The following CFAP54 variants were observed in gnomAD, a reference collection of about 807,000 sequenced individuals.
CFAP54 encodes the protein cilia and flagella associated protein 54, also known as cilia- and flagella-associated protein 54.
Under a neutral mutation model 370.4 loss-of-function variants are expected in CFAP54, and 290 were observed. The observed-to-expected ratio is 0.78, with a 90% CI of 0.71 to 0.86. CFAP54 has a LOEUF of 0.86. CFAP54 is among the 40% of genes least tolerant of loss of function. CFAP54 has a pLI of 0.00. For synonymous variants in CFAP54, 1,206 were observed against 1,236.5 expected, an observed-to-expected ratio of 0.98 and a Z score of 0.52; for missense variants, 3,399 against 3,528.7, an observed-to-expected ratio of 0.96 and a Z score of 0.93.
At chr12:96,545,039 G>A (rs1955623057) in intron 14 of CFAP54, among the ~76,000 whole-genome samples, 1 of 151,996 alleles carries the variant, frequency 6.6e-6, no homozygotes, top group African/African-American at 2.4e-5. Context: ...AGCCTCCCGA[G>A]TAGCTGGGAT....
rs373930930 is a variant in CFAP54 at position 96,492,384 on chromosome 12, C to T, written c.317+2458C>T. 7.9e-5 allele frequency among the ~76,000 whole-genome samples: 12 copies of T among 152,304 alleles called. No individual in the cohort carries two copies. In the East Asian group the frequency reaches 1.9e-3, roughly 24 times the overall value. ...GAAACAGGTCCTACTGTTTCTCACC[C>T]CAGAGCCTTTATATTTGCCATCTTT... On this transcript the variant is annotated intron_variant, in intron 1 of 67. Transcript: ENST00000524981.
chr12:96,640,537 C>G (rs12816415), intron 32 of CFAP54, among the ~76,000 whole-genome samples: 24,843 of 152,052 alleles, frequency 0.16, 2,193 homozygotes, highest in African/African-American at 0.21. Flanking sequence ...TCCCCATCAA[C>G]CTACCAATGA....
At chr12:96,584,145 T>C (rs1031148568) in intron 22 of CFAP54, among the ~76,000 whole-genome samples, 1 of 150,640 alleles carries the variant, frequency 6.6e-6, no homozygotes, top group African/African-American at 2.5e-5. Flanking sequence ...GTTTGTCTTT[T>C]GTCTATTTTA....
intron 63 of CFAP54, among the ~76,000 whole-genome samples, chr12:96,796,328 TC>T (rs1452579752): frequency 6.6e-6 from 1 of 152,220 alleles, no homozygotes; most frequent in Non-Finnish European, 1.5e-5. Context: ...ACTATTCTTG[TC>T]AGATGTTTTT....
chr12:96,688,213 CTCT>C (rs1230979818), intron 42 of CFAP54, among the ~76,000 whole-genome samples: 3 of 152,166 alleles, frequency 2.0e-5, no homozygotes, highest in Non-Finnish European at 2.9e-5. Context: ...AACACTCAAA[CTCT>C]TCTTCTAAGG....
chr12:96,508,126 CTTTTTTTTT>C lies in CFAP54; in HGVS notation c.739+1038_739+1046del, dbSNP rs398020728. ...TTTAAGATCACAACCCAAACATAGT[CTTTTTTTTT>C]TTTTTTTTTTGTCTGAGACAGGGTC... On this transcript the variant is annotated intron_variant, in intron 4 of 67. Coordinates refer to ENST00000524981, the MANE Select transcript of CFAP54 (RefSeq NM_001306084.2). 3.6e-5 allele frequency among the ~76,000 whole-genome samples: 4 copies of C among 112,232 alleles called. No homozygotes were observed. The South Asian group carries it at 9.1e-4, about 26-fold the overall frequency. 73.6% of individuals were successfully genotyped at this position (112,232 alleles called of 152,430 possible).
rs187754912 is a variant in CFAP54 at position 96,577,664 on chromosome 12, T to C, written c.2796+903T>C. On this transcript the variant is annotated intron_variant, in intron 20 of 67. Coordinates refer to ENST00000524981, the MANE Select transcript of CFAP54 (RefSeq NM_001306084.2). Reference sequence around the variant, plus strand: ...AGTTTTTTTTTTCATTTGGAAAGTGTGTTTATTGTGAAAATTAAATGAGAT... The same window carrying C: ...AGTTTTTTTTTTCATTTGGAAAGTGCGTTTATTGTGAAAATTAAATGAGAT... 1.4e-4 allele frequency among the ~76,000 whole-genome samples: 21 copies of C among 151,912 alleles called. No homozygotes were observed. In the East Asian group the frequency reaches 3.7e-3, roughly 27 times the overall value.
intron 26 of CFAP54, among the ~76,000 whole-genome samples, chr12:96,619,928 G>A (rs539409892): frequency 2.1e-4 from 32 of 152,110 alleles, no homozygotes; most frequent in African/African-American, 7.2e-4. Context: ...TATTTTGGCC[G>A]GACATGGTGA....
chr12:96,599,693 C>A (rs944550609), intron 26 of CFAP54, among the ~76,000 whole-genome samples: 3 of 152,088 alleles, frequency 2.0e-5, no homozygotes, highest in Non-Finnish European at 4.4e-5. Context: ...TTTTAATGAT[C>A]GCCATTCTAA....
At chr12:96,734,739 A>G (rs1226196358) in intron 50 of CFAP54, among the ~76,000 whole-genome samples, 1 of 152,170 alleles carries the variant, frequency 6.6e-6, no homozygotes, top group Non-Finnish European at 1.5e-5. Flanking sequence ...ACAATTAAAT[A>G]ACAGAATCTC....
chr12:96,654,779 TGTAA>T (rs1956903477), intron 36 of CFAP54, among the ~76,000 whole-genome samples: 2 of 151,440 alleles, frequency 1.3e-5, no homozygotes, highest in Non-Finnish European at 2.9e-5. Flanking sequence ...AGCTGCCACA[TGTAA>T]GTGAGAGCAT....
At chr12:96,775,511 A>T (rs1958508523) in intron 60 of CFAP54, among the ~76,000 whole-genome samples, 1 of 152,112 alleles carries the variant, frequency 6.6e-6, no homozygotes, top group Non-Finnish European at 1.5e-5. Flanking sequence ...TATTCTTTTA[A>T]TTTTTTTCCA....
chr12:96,796,361 T>A (rs1269882346), intron 63 of CFAP54, among the ~76,000 whole-genome samples: 1 of 152,226 alleles, frequency 6.6e-6, no homozygotes, highest in Admixed American at 6.5e-5. Context: ...TTTGCTAGAA[T>A]CATAAAATGA....
intron 32 of CFAP54, among the ~76,000 whole-genome samples, chr12:96,635,596 C>T (rs1391807616): frequency 6.6e-6 from 1 of 152,106 alleles, no homozygotes; most frequent in Admixed American, 6.6e-5. Context: ...ATACAGTTAG[C>T]AGCACATCCC....
At chr12:96,764,618 C>T (rs2136671352) in intron 59 of CFAP54, among the ~76,000 whole-genome samples, 1 of 151,856 alleles carries the variant, frequency 6.6e-6, no homozygotes, top group Non-Finnish European at 1.5e-5. Context: ...GAGATCCTGT[C>T]TCAAAAGAAA....
chr12:96,635,855 T>C (rs1956658879), intron 32 of CFAP54, among the ~76,000 whole-genome samples: 1 of 152,198 alleles, frequency 6.6e-6, no homozygotes, highest in Non-Finnish European at 1.5e-5. Flanking sequence ...TCCAGACGGC[T>C]TCTGAGCACA....
intron 62 of CFAP54, among the ~76,000 whole-genome samples, chr12:96,789,871 T>A (rs916043202): frequency 1.2e-4 from 18 of 152,180 alleles, no homozygotes; most frequent in Admixed American, 1.2e-3. Flanking sequence ...AGACAGCTAA[T>A]GAGCATAAAG....
In CFAP54 at chr12:96,700,074, A is replaced by C; in HGVS notation, c.6455A>C (p.Lys2152Thr). 1 of 1,605,160 alleles carries C rather than the reference A, an allele frequency of 6.2e-7. No homozygotes were observed. Among genetic ancestry groups the C allele is most frequent in the Non-Finnish European group, 8.5e-7 (1 of 1,177,654 alleles). Residue 2152 changes from lysine to threonine, a missense_variant, in exon 46 of 68, where the codon AAA (lysine) becomes ACA (threonine). This residue lies in a region of CFAP54 where 2,796 missense variants were observed against 2,869.7 expected (regional missense o/e 0.97). Coordinates refer to ENST00000524981, the MANE Select transcript of CFAP54 (RefSeq NM_001306084.2). ...NMPCPIPAGY[K>T]ATGKMKIFQS... ...CCTTGTCCAATACCTGCAGGCTATA[A>C]AGCCACTGGAAAAATGAAGGTAACC... is the stretch of plus-strand genomic sequence containing the variant.
intron 67 of CFAP54, among the ~76,000 whole-genome samples, chr12:96,867,574 C>T (rs182824327): frequency 4.6e-5 from 7 of 152,244 alleles, no homozygotes; most frequent in Non-Finnish European, 7.4e-5. Context: ...AATATTATTC[C>T]GCCTTAAAAA....
Sources: gnomAD v4.1 joint callset for allele counts (sites outside exome capture counted in the v4.1 genomes callset) on GRCh38, gnomAD v4.1.1 for gene constraint, gnomAD v4.1.1 regional missense constraint, MANE v1.5 for transcripts, NCBI Gene and HGNC (gene_info 2026-07-23, HGNC 2026-07-21) for gene names.